Variants in CDC40 observed in about 807,000 individuals in gnomAD.
The protein encoded by CDC40 is pre-mRNA-processing factor 17.
In CDC40, 27 loss-of-function variants were observed where a neutral mutation model predicts 80.6. The ratio of observed to expected loss-of-function variants is 0.33; its 90% CI spans 0.25 to 0.46. CDC40 has a LOEUF of 0.46. CDC40 is among the 20% of genes least tolerant of loss of function. The probability of loss-of-function intolerance (pLI) is 1.00; values close to 1 mark genes in which losing one functional copy is unlikely to be tolerated. For synonymous variants in CDC40, 221 were observed against 232.6 expected (o/e 0.95, Z 0.45); for missense variants, 486 against 694.1 (o/e 0.70, Z 3.37).
intron 1 of CDC40, among the ~76,000 whole-genome samples, chr6:110,190,235 G>A (rs989054734): frequency 7.2e-5 from 11 of 152,004 alleles, no homozygotes; most frequent in African/African-American, 1.9e-4. Flanking sequence ...ATAAGAAGGC[G>A]GCATAAAATA....
intron 3 of CDC40, among the ~76,000 whole-genome samples, chr6:110,204,945 GCCTGAGCCACGATGCCC>G (rs1777544030): frequency 6.6e-6 from 1 of 152,072 alleles, no homozygotes; most frequent in Admixed American, 6.5e-5. Flanking sequence ...GGGATTACAG[GCCTGAGCCACGATGCCC>G]GGCCCTATTT....
intron 2 of CDC40, among the ~76,000 whole-genome samples, chr6:110,199,550 C>T (rs1247584970): frequency 2.7e-5 from 4 of 148,242 alleles, no homozygotes; most frequent in Non-Finnish European, 4.4e-5. Flanking sequence ...GCTGAGATTG[C>T]GCCACTGCAC....
At chr6:110,207,669 A>C in intron 4 of CDC40, 80 bp downstream of exon 4, 1 of 764,410 alleles carries the variant, frequency 1.3e-6, no homozygotes, top group Non-Finnish European at 2.3e-6. Context: ...TTAATTAGAC[A>C]GTAAAAAATA....
chr6:110,198,249 CT>C (rs1562201459), intron 2 of CDC40, among the ~76,000 whole-genome samples: 1 of 150,892 alleles, frequency 6.6e-6, no homozygotes, highest in African/African-American at 2.4e-5. Flanking sequence ...GTGATCTCAG[CT>C]CACTACAACC....
intron 5 of CDC40, among the ~76,000 whole-genome samples, chr6:110,209,990 A>T (rs908012155): frequency 1.3e-5 from 2 of 152,206 alleles, no homozygotes; most frequent in Non-Finnish European, 2.9e-5. Context: ...TCACAAATGT[A>T]TAGCTATCAC....
At chr6:110,195,449 A>G (rs1253531282) in intron 2 of CDC40, among the ~76,000 whole-genome samples, 1 of 152,146 alleles carries the variant, frequency 6.6e-6, no homozygotes, top group Admixed American at 6.5e-5. Flanking sequence ...TAATGTTTGA[A>G]TTGGGCAATT....
At chr6:110,224,314 G>A (rs1456252474) in intron 12 of CDC40, 1 of 151,988 alleles carries the variant, frequency 6.6e-6, no homozygotes, top group Non-Finnish European at 1.5e-5. Context: ...GAGATTATTT[G>A]CAAGATATGA....
chr6:110,217,380 A>G (rs1777714055), intron 9 of CDC40, among the ~76,000 whole-genome samples: 1 of 152,228 alleles, frequency 6.6e-6, no homozygotes, highest in Non-Finnish European at 1.5e-5. Flanking sequence ...CTAGCTAGTC[A>G]TCACTTGTAT....
At chr6:110,195,157 G>A (rs1018572869) in intron 2 of CDC40, among the ~76,000 whole-genome samples, 2 of 152,188 alleles carry the variant, frequency 1.3e-5, no homozygotes, top group Admixed American at 6.5e-5. Flanking sequence ...TGACTAGGAT[G>A]TGTATCACTT....
intron 14 of CDC40, among the ~76,000 whole-genome samples, chr6:110,229,467 A>T (rs1777907663): frequency 6.6e-6 from 1 of 152,210 alleles, no homozygotes; most frequent in Non-Finnish European, 1.5e-5. Flanking sequence ...GTTAAAATGT[A>T]TAGGCAGAAG....
chr6:110,210,842 C>A, intron 6 of CDC40, 39 bp downstream of exon 6: 2 of 1,109,552 alleles, frequency 1.8e-6, no homozygotes, highest in Middle Eastern at 2.1e-4. Flanking sequence ...TTATGAAAAA[C>A]CTTCATATTT....
At chr6:110,192,575 C>T (rs1777365874) in intron 1 of CDC40, among the ~76,000 whole-genome samples, 1 of 152,190 alleles carries the variant, frequency 6.6e-6, no homozygotes, top group Non-Finnish European at 1.5e-5. Context: ...GAGGTCCAGG[C>T]TAAAGATACC....
rs1245975906 is a variant in CDC40 at position 110,217,764 on chromosome 6, G to A, written c.1051G>A (p.Ala351Thr). The change falls in exon 10 of 15, where the codon GCC becomes ACC. Residue 351 changes from alanine to threonine, a missense_variant. By Grantham distance (58) the Ala-to-Thr change is moderately conservative (BLOSUM62 0). Coordinates refer to ENST00000307731, the MANE Select transcript of CDC40 (RefSeq NM_015891.3). ...NTAGTQFLSA[A>T]YDRYLKLWDT... Reference sequence around the variant, plus strand: ...TGCAGGAACACAGTTCCTCAGTGCAGCCTATGACAGGTATCTTAAGCTCTG... The same window carrying A: ...TGCAGGAACACAGTTCCTCAGTGCAACCTATGACAGGTATCTTAAGCTCTG... 3.1e-6 allele frequency: 5 copies of A among 1,603,998 alleles called. No individual in the cohort carries two copies. Among genetic ancestry groups the A allele is most frequent in the Non-Finnish European group, 3.4e-6 (4 of 1,171,018 alleles).
rs1584087376 is a variant in CDC40 at position 110,228,941 on chromosome 6, C to G, written c.1527C>G (p.Gly509=). The change falls in exon 14 of 15, where the codon GGC becomes GGG. Residue 509 remains glycine, a synonymous_variant. Transcript: ENST00000307731. Reference sequence around the variant, plus strand: ...TTTTTAAGGGCCATATGGTAGCAGGCTATGCTTGTCAGGTGGACTTTTCAC... The same window carrying G: ...TTTTTAAGGGCCATATGGTAGCAGGGTATGCTTGTCAGGTGGACTTTTCAC... ...KKIFKGHMVA[G]YACQVDFSPD... is the part of the protein sequence containing the mutation. 1 of 1,606,732 alleles carries G rather than the reference C, an allele frequency of 6.2e-7. No individual in the cohort carries two copies. The highest frequency in any genetic ancestry group is 8.5e-7 in the Non-Finnish European group (1 of 1,177,574).
chr6:110,199,302 G>T (rs1201225102), intron 2 of CDC40, among the ~76,000 whole-genome samples: 1 of 152,094 alleles, frequency 6.6e-6, no homozygotes, highest in African/African-American at 2.4e-5. Flanking sequence ...TTTAAAAAGT[G>T]GAGCTAGTGG....
At chr6:110,199,619 G>T (rs1027321540) in intron 2 of CDC40, among the ~76,000 whole-genome samples, 20 of 151,404 alleles carry the variant, frequency 1.3e-4, no homozygotes, top group African/African-American at 4.9e-4. Context: ...AGTGGAGCTA[G>T]TTTGGTATGT....
intron 13 of CDC40, among the ~76,000 whole-genome samples, chr6:110,227,115 A>T (rs1777874549): frequency 6.6e-6 from 1 of 152,246 alleles, no homozygotes; most frequent in Non-Finnish European, 1.5e-5. Context: ...TCACTATAAA[A>T]GATTTTCTCA....
chr6:110,218,668 A>G (rs1167105830), intron 10 of CDC40, among the ~76,000 whole-genome samples: 1 of 152,162 alleles, frequency 6.6e-6, no homozygotes, highest in Admixed American at 6.5e-5. Context: ...CCTGAGTCCT[A>G]CCTTCAAAGG....
intron 9 of CDC40, among the ~76,000 whole-genome samples, chr6:110,217,079 G>T (rs1777710140): frequency 6.6e-6 from 1 of 152,018 alleles, no homozygotes; most frequent in Non-Finnish European, 1.5e-5. Flanking sequence ...TGCACTTCAG[G>T]CTGGGCAACA....
Sources: allele counts gnomAD v4.1 joint callset (sites outside exome capture counted in the v4.1 genomes callset), GRCh38; gene constraint gnomAD v4.1.1; transcripts MANE v1.5; gene names NCBI Gene and HGNC (gene_info 2026-07-23, HGNC 2026-07-21).